The following ABRAXAS2 variants were observed in gnomAD, a reference collection of about 807,000 sequenced individuals.
The protein encoded by ABRAXAS2 is abraxas 2, BRISC complex subunit, also known as BRISC complex subunit Abraxas 2.
In ABRAXAS2, 23 loss-of-function variants were observed where a neutral mutation model predicts 49.0. The ratio of observed to expected loss-of-function variants is 0.47; its 90% CI spans 0.34 to 0.66. The LOEUF is 0.66. Among genes scored for constraint, ABRAXAS2 ranks in the 30% least tolerant of loss-of-function variants. The pLI, the probability that ABRAXAS2 is intolerant of heterozygous loss-of-function variation, is 0.01. For synonymous variants in ABRAXAS2, 168 were observed against 180.2 expected, an observed-to-expected ratio of 0.93 and a Z score of 0.54; for missense variants, 443 against 511.9, an observed-to-expected ratio of 0.87 and a Z score of 1.30.
intron 4 of ABRAXAS2, among the ~76,000 whole-genome samples, chr10:124,819,920 A>G (rs1950851107): frequency 6.6e-6 from 1 of 152,216 alleles, no homozygotes; most frequent in African/African-American, 2.4e-5. Flanking sequence ...CTGAAAATAA[A>G]CCAAAGTTTT....
Position 124,816,614 on chromosome 10 carries a change from T to C in ABRAXAS2, c.200+2T>C. The C allele has an allele frequency of 6.2e-7, 1 of 1,600,632 alleles. No individual in the cohort carries two copies. Among genetic ancestry groups the C allele is most frequent in the Non-Finnish European group, 8.6e-7 (1 of 1,168,866 alleles). On this transcript the variant is annotated splice_donor_variant, in intron 3 of 8. Transcript: ENST00000298492. LOFTEE classifies it high-confidence loss of function. Reference sequence around the variant, plus strand: ...TCAGCCTTGTTCAAAACTTTTTAGGTAAGCCATATGTAAGCTTTTAGTCCT... The same window carrying C: ...TCAGCCTTGTTCAAAACTTTTTAGGCAAGCCATATGTAAGCTTTTAGTCCT...
At chr10:124,817,050 G>A (rs1295637937) in intron 3 of ABRAXAS2, among the ~76,000 whole-genome samples, 1 of 152,172 alleles carries the variant, frequency 6.6e-6, no homozygotes, top group Non-Finnish European at 1.5e-5. Context: ...ATCGTGGCTA[G>A]TACTGAACCC....
chr10:124,812,002 C>T (rs993282237), intron 2 of ABRAXAS2, among the ~76,000 whole-genome samples: 2 of 152,108 alleles, frequency 1.3e-5, no homozygotes, highest in Non-Finnish European at 2.9e-5. Context: ...GTCTTGAACT[C>T]CCGACCTTGG....
intron 1 of ABRAXAS2, among the ~76,000 whole-genome samples, chr10:124,804,365 TTTG>T (rs1007015257): frequency 2.0e-5 from 3 of 152,328 alleles, no homozygotes; most frequent in Non-Finnish European, 4.4e-5. Context: ...AAAATAATTA[TTTG>T]TTATCTGAAA....
chr10:124,805,935 G>A (rs557047474), intron 1 of ABRAXAS2, among the ~76,000 whole-genome samples: 35 of 152,240 alleles, frequency 2.3e-4, no homozygotes, highest in African/African-American at 7.7e-4. Context: ...CAAAGAGTAG[G>A]TAATGAGCCA....
intron 3 of ABRAXAS2, among the ~76,000 whole-genome samples, chr10:124,816,959 T>G (rs528920319): frequency 6.6e-6 from 1 of 152,312 alleles, no homozygotes; most frequent in Admixed American, 6.5e-5. Flanking sequence ...AAAAGGAGCA[T>G]AAAACGTTCT....
At chr10:124,802,963 G>C (rs1950716201) in intron 1 of ABRAXAS2, among the ~76,000 whole-genome samples, 1 of 152,148 alleles carries the variant, frequency 6.6e-6, no homozygotes, top group Admixed American at 6.5e-5. Flanking sequence ...AGTGTTGATG[G>C]TAGAACTTAA....
intron 2 of ABRAXAS2, among the ~76,000 whole-genome samples, chr10:124,815,831 C>T (rs1950820668): frequency 6.7e-6 from 1 of 150,150 alleles, no homozygotes; most frequent in South Asian, 2.1e-4. Context: ...TGAGTTATTA[C>T]TGGTTATTAA....
chr10:124,823,931 GT>G (rs1424726814), intron 4 of ABRAXAS2, among the ~76,000 whole-genome samples: 1 of 152,078 alleles, frequency 6.6e-6, no homozygotes, highest in African/African-American at 2.4e-5. Flanking sequence ...GTTTTGTTTT[GT>G]TTTTTGAGAC....
At chr10:124,828,933 A>G (rs987813777) in intron 6 of ABRAXAS2, 58 bp downstream of exon 6, 29 of 1,572,970 alleles carry the variant, frequency 1.8e-5, no homozygotes, top group African/African-American at 4.1e-5. Context: ...TCTTTTGTTA[A>G]TAACATTTAA....
At chr10:124,819,057 CT>C (rs370359903) in intron 3 of ABRAXAS2, among the ~76,000 whole-genome samples, 5 of 152,260 alleles carry the variant, frequency 3.3e-5, no homozygotes, top group South Asian at 4.1e-4. Flanking sequence ...GCTACGTTAT[CT>C]TTTTTTCATA....
intron 4 of ABRAXAS2, among the ~76,000 whole-genome samples, 159 bp from the exon 5 acceptor site, chr10:124,826,424 CCTGAAGCACAGT>C (rs1950896277): frequency 1.3e-5 from 2 of 152,156 alleles, no homozygotes; most frequent in Admixed American, 1.3e-4. Context: ...CCAGCATATG[CCTGAAGCACAGT>C]CTGTTTATCC....
intron 4 of ABRAXAS2, among the ~76,000 whole-genome samples, chr10:124,825,042 C>A (rs977062708): frequency 4.6e-5 from 7 of 152,032 alleles, no homozygotes; most frequent in African/African-American, 1.7e-4. Flanking sequence ...ATACTGAGGC[C>A]AGGCACAGTG....
chr10:124,834,874 C>T lies in ABRAXAS2; in HGVS notation c.1151C>T (p.Thr384Ile). The T allele has an allele frequency of 1.2e-6, 2 of 1,614,174 alleles. No individual in the cohort carries two copies. Among genetic ancestry groups the T allele is most frequent in the Non-Finnish European group, 1.7e-6 (2 of 1,180,036 alleles). The change falls in exon 9 of 9, where the codon ACA (threonine) becomes ATA (isoleucine). Residue 384 changes from threonine (T) to isoleucine (I), a missense_variant. By Grantham distance (89) the Thr-to-Ile change is moderately conservative (BLOSUM62 -1). Around this residue, in one of 3 missense-constraint regions of ABRAXAS2, gnomAD observed 230 missense variants for 237.0 expected, o/e 0.97. Transcript: ENST00000298492. The part of the protein sequence containing the change: ...DSDYENLIDP[T>I]EPSNSEYSHS... ...GATTATGAAAATTTGATTGACCCTA[C>T]AGAGCCTTCTAATAGTGAATACTCA...
At chr10:124,823,739 T>G (rs1375184884) in intron 4 of ABRAXAS2, among the ~76,000 whole-genome samples, 2 of 152,214 alleles carry the variant, frequency 1.3e-5, no homozygotes, top group Non-Finnish European at 2.9e-5. Context: ...TAATTCTTCA[T>G]CATGTCCCAA....
At chr10:124,826,409 G>A (rs1057239053) in intron 4 of ABRAXAS2, among the ~76,000 whole-genome samples, 186 bp from the exon 5 acceptor site, 2 of 152,138 alleles carry the variant, frequency 1.3e-5, no homozygotes, top group African/African-American at 4.8e-5. Context: ...TCACTAAGTA[G>A]GATTCCAGCA....
chr10:124,822,405 G>A (rs1950867186), intron 4 of ABRAXAS2, among the ~76,000 whole-genome samples: 1 of 152,160 alleles, frequency 6.6e-6, no homozygotes, highest in Admixed American at 6.5e-5. Context: ...TGAATAAAGG[G>A]TGCAGGTATC....
chr10:124,831,511 T>C, intron 8 of ABRAXAS2, 48 bp downstream of exon 8: 1 of 1,027,938 alleles, frequency 9.7e-7, no homozygotes, highest in Non-Finnish European at 1.5e-6. Context: ...AAATGTTGTT[T>C]TAAACATCAG....
At position 124,801,867 on chromosome 10, in the gene ABRAXAS2, T is replaced by A; in HGVS notation, c.38T>A (p.Val13Glu). The change falls in exon 1 of 9, where the codon GTG becomes GAG. Residue 13 changes from valine to glutamate, a missense_variant. By Grantham distance (121) the Val-to-Glu change is moderately radical. Transcript: ENST00000298492. ...ATTTCGGGCTACACCTTCAGTGCTG[T>A]GTGTTTCCACAGCGCCAACAGCAAC... Reference protein sequence around the residue: ...ASISGYTFSAVCFHSANSNAD... With the variant: ...ASISGYTFSAECFHSANSNAD... 1 of 1,613,340 alleles carries A rather than the reference T, an allele frequency of 6.2e-7. No individual in the cohort carries two copies.
Sources: allele counts gnomAD v4.1 joint callset (sites outside exome capture counted in the v4.1 genomes callset), GRCh38; gene constraint gnomAD v4.1.1; regional missense constraint gnomAD v4.1.1; transcripts MANE v1.5; gene names NCBI Gene and HGNC (gene_info 2026-07-23, HGNC 2026-07-21).